HAMP: variants seen among roughly 807,000 people sequenced by gnomAD.
HAMP encodes the protein hepcidin antimicrobial peptide.
In HAMP, 5 loss-of-function variants were observed where a neutral mutation model predicts 7.8. The ratio of observed to expected loss-of-function variants is 0.64; its 90% CI spans 0.33 to 1.34. HAMP has a LOEUF of 1.34. Ranked by LOEUF, HAMP falls within the 40% of genes most tolerant of loss-of-function variation. HAMP has a pLI of 0.05. For synonymous variants in HAMP, 52 were observed against 38.6 expected (o/e 1.35, Z -1.28); for missense variants, 105 against 104.1 (o/e 1.01, Z -0.04).
rs754083585 is a variant in HAMP at position 35,284,943 on chromosome 19, G to A, written c.156G>A (p.Met52Ile). 6.2e-6 allele frequency: 10 copies of A among 1,613,290 alleles called. No individual in the cohort carries two copies. The highest frequency in any genetic ancestry group is 1.1e-5 in the South Asian group (1 of 91,062). The change falls in exon 3 of 3, where the codon ATG (methionine) becomes ATA (isoleucine). Residue 52 changes from methionine (M) to isoleucine (I), a missense_variant. By Grantham distance (10) the Met-to-Ile change is conservative. Coordinates refer to ENST00000222304, the MANE Select transcript of HAMP (RefSeq NM_021175.4). Reference sequence around the variant, plus strand: ...CATTCCCTTCCTTCCCACAGCCCATGTTCCAGAGGCGAAGGAGGCGAGACA... The same window carrying A: ...CATTCCCTTCCTTCCCACAGCCCATATTCCAGAGGCGAAGGAGGCGAGACA... ...RAGARASWMP[M>I]FQRRRRRDTH...
chr19:35,284,904 C>G (rs759921570), intron 2 of HAMP, 34 bp from the exon 3 acceptor site: 1 of 1,605,130 alleles, frequency 6.2e-7, no homozygotes, highest in Non-Finnish European at 8.5e-7. Flanking sequence ...ATGCTAAGGC[C>G]GGTTCCCTGC....
rs985112223 is a variant in HAMP, at chr19:35,282,888, C to A, written c.90+221C>A. 2.4e-5 allele frequency: 13 copies of A among 538,142 alleles called. No individual in the cohort carries two copies. The African/African-American group carries it at 2.5e-4, about 10-fold the overall frequency. The allele number at this position is 538,142 out of a possible 1,614,324, so 33.3% of individuals were successfully genotyped here. ...AGCCCACTTGAGGTCAGTTTGAGAC[C>A]AGCCTGGCCAACATGGTAAAACCCC... On this transcript the variant is annotated intron_variant, in intron 1 of 2. Coordinates refer to ENST00000222304, the MANE Select transcript of HAMP (RefSeq NM_021175.4).
At chr19:35,284,874 T>C (rs1280512772) in intron 2 of HAMP, 26 bp downstream of exon 2, 5 of 1,609,478 alleles carry the variant, frequency 3.1e-6, no homozygotes, top group Non-Finnish European at 4.3e-6. Context: ...ATGCCTTTCC[T>C]AGCCCCCTGC....
In HAMP at chr19:35,285,141, A is replaced by C; in HGVS notation, c.*99A>C. On this transcript the variant is annotated 3_prime_UTR_variant, in exon 3 of 3. Transcript: ENST00000222304. The stretch of plus-strand genomic sequence containing the variant: ...AAAATGGCTGGTTCTTTTGTTTTCC[A>C]AACCAGAGTGTCTGTTGTCCTTTCT... 1.2e-6 allele frequency: 1 copy of C among 817,930 alleles called. No homozygotes were observed. Among genetic ancestry groups the C allele is most frequent in the South Asian group, 1.4e-5 (1 of 73,296 alleles). The allele number at this position is 817,930 out of a possible 1,614,324, so 50.7% of individuals were successfully genotyped here. A position where few individuals can be genotyped will look rare whatever the true frequency, so the allele number is the denominator to read the frequency against.
At position 35,282,572 on chromosome 19, in the gene HAMP, G is replaced by C; in HGVS notation, c.-6G>C. ...CCAGCAGTGGGACAGCCAGACAGAC[G>C]GCACGATGGCACTGAGCTCCCAGAT... On this transcript the variant is annotated 5_prime_UTR_variant, in exon 1 of 3. Transcript: ENST00000222304. 1 of 1,612,844 alleles carries C rather than the reference G, an allele frequency of 6.2e-7. No homozygotes were observed. The highest frequency in any genetic ancestry group is 2.2e-5 in the East Asian group (1 of 44,880).
chr19:35,284,749 G>T (rs1860154734), intron 1 of HAMP, 40 bp from the exon 2 acceptor site: 1 of 1,538,814 alleles, frequency 6.5e-7, no homozygotes, highest in African/African-American at 1.4e-5. Context: ...AGGTCCACTG[G>T]GCCCCCTGCC....
intron 1 of HAMP, chr19:35,282,998 T>C (rs2145592441): frequency 2.9e-6 from 1 of 348,378 alleles, no homozygotes; most frequent in East Asian, 7.3e-5. Flanking sequence ...GGCAGGAGAA[T>C]TGCTTGAACC....
chr19:35,284,734 C>G, intron 1 of HAMP, 55 bp from the exon 2 acceptor site: 6 of 1,385,124 alleles, frequency 4.3e-6, no homozygotes, highest in Middle Eastern at 4.1e-4. Context: ...GGGAGCCAGT[C>G]TCAGAGGTCC....
At chr19:35,284,301 C>T (rs1265610542) in intron 1 of HAMP, 6 of 181,144 alleles carry the variant, frequency 3.3e-5, no homozygotes, top group Admixed American at 1.6e-4. Flanking sequence ...AAAAATTAGC[C>T]GGGTGTGGTG....
intron 1 of HAMP, chr19:35,284,329 C>CGT: frequency 5.0e-6 from 1 of 199,346 alleles, no homozygotes; most frequent in Non-Finnish European, 1.0e-5. Context: ...CCTGCTGTCC[C>CGT]AGCTACTCGG....
intron 1 of HAMP, 105 bp downstream of exon 1, chr19:35,282,772 C>T (rs372647376): frequency 2.2e-5 from 20 of 904,834 alleles, no homozygotes; most frequent in African/African-American, 2.0e-4. Context: ...GAGCTCAGGA[C>T]GTCTCAGGAG....
chr19:35,284,778 T>C lies in HAMP; in HGVS notation c.91-11T>C, dbSNP rs774680472. On this transcript the variant is annotated splice_polypyrimidine_tract_variant and intron_variant, in intron 1 of 2. Transcript: ENST00000222304. ...CCCTGCCATCCTCTGCACCCCCTTC[T>C]GCTTTCACAGACGGGACAACTTGCA... 1.9e-6 allele frequency: 3 copies of C among 1,612,550 alleles called. No homozygotes were observed. Among genetic ancestry groups the C allele is most frequent in the South Asian group, 2.2e-5 (2 of 91,030 alleles).
intron 1 of HAMP, 130 bp downstream of exon 1, chr19:35,282,797 C>A: frequency 1.3e-6 from 1 of 779,100 alleles, no homozygotes; most frequent in Non-Finnish European, 2.3e-6. Flanking sequence ...GGCAGCTGAA[C>A]AGGAACCAGG....
chr19:35,282,934 A>T, intron 1 of HAMP: 2 of 418,696 alleles, frequency 4.8e-6, no homozygotes, highest in Non-Finnish European at 9.0e-6. Flanking sequence ...AAAATACAAA[A>T]GTTAGCCAGG....
chr19:35,283,091 A>C, intron 1 of HAMP: 1 of 272,334 alleles, frequency 3.7e-6, no homozygotes, highest in Non-Finnish European at 7.3e-6. Context: ...ATCTCCAAAA[A>C]AGAACAGAAA....
In HAMP at chr19:35,284,590, G is replaced by T; in HGVS notation, c.91-199G>T. 3 of 602,840 alleles carry T rather than the reference G, an allele frequency of 5.0e-6. No individual in the cohort carries two copies. The South Asian group carries it at 6.0e-5, about 12-fold the overall frequency. 37.3% of individuals were successfully genotyped at this position (602,840 alleles called of 1,614,324 possible). A position where few individuals can be genotyped will look rare whatever the true frequency, so the allele number is the denominator to read the frequency against. On this transcript the variant is annotated intron_variant, in intron 1 of 2. Transcript: ENST00000222304. ...AGAGTAGCAGCTGTGGAAAGAGGAG[G>T]AGGCGGATCTGGGAGGTTTTTTTTT... is the stretch of plus-strand genomic sequence containing the variant.
In HAMP at chr19:35,285,096, C is replaced by G. The variant is rs1361541625; in HGVS notation, c.*54C>G. 3.6e-6 allele frequency: 4 copies of G among 1,116,534 alleles called. No homozygotes were observed. Among genetic ancestry groups the G allele is most frequent in the African/African-American group, 1.5e-5 (1 of 65,478 alleles). 69.2% of individuals were successfully genotyped at this position (1,116,534 alleles called of 1,614,324 possible). ...CCTTCCTTATTTATTCCTGCTGCCC[C>G]AGAACATAGGTCTTGGAATAAAATG... On this transcript the variant is annotated 3_prime_UTR_variant, in exon 3 of 3. Transcript: ENST00000222304.
chr19:35,283,125 G>A (rs2066311186), intron 1 of HAMP: 1 of 258,542 alleles, frequency 3.9e-6, no homozygotes, highest in African/African-American at 2.2e-5. Flanking sequence ...GAGTGACAGG[G>A]ACTGGAAGGT....
rs1481463523 is a variant in HAMP, at chr19:35,284,807, C to T, written c.109C>T (p.Leu37=). ...TTCACAGACGGGACAACTTGCAGAG[C>T]TGCAACCCCAGGACAGAGCTGGAGC... ...FPQQTGQLAE[L]QPQDRAGARA... is the part of the protein sequence containing the mutation. Residue 37 remains leucine (L), a synonymous_variant, in exon 2 of 3, where the codon CTG becomes TTG. Transcript: ENST00000222304. 2.5e-6 allele frequency: 4 copies of T among 1,613,974 alleles called. No individual in the cohort carries two copies. Among genetic ancestry groups the T allele is most frequent in the Non-Finnish European group, 8.5e-7 (1 of 1,179,864 alleles).
Sources: gnomAD v4.1 joint callset for allele counts on GRCh38, gnomAD v4.1.1 for gene constraint, MANE v1.5 for transcripts, NCBI Gene and HGNC (gene_info 2026-07-23, HGNC 2026-07-21) for gene names.